EPHA10: variants seen among roughly 807,000 people sequenced by gnomAD.
The protein encoded by EPHA10 is ephrin type-A receptor 10.
A neutral mutation model predicts 109.7 loss-of-function variants in EPHA10; 120 were observed. That is an observed-to-expected ratio of 1.09 (90% CI 0.94 to 1.27). The LOEUF (loss-of-function observed/expected upper bound fraction) is 1.27. Among genes scored for constraint, EPHA10 ranks in the 50% most tolerant of loss-of-function variants. The probability of loss-of-function intolerance (pLI) is 0.00; values close to 1 mark genes in which losing one functional copy is unlikely to be tolerated. For synonymous variants in EPHA10, 640 were observed against 618.9 expected (o/e 1.03, Z -0.51); for missense variants, 1,396 against 1,411.1 (o/e 0.99, Z 0.17).
intron 5 of EPHA10, among the ~76,000 whole-genome samples, chr1:37,735,723 C>A (rs928348866): frequency 7.9e-5 from 12 of 152,082 alleles, no homozygotes; most frequent in African/African-American, 2.9e-4. Flanking sequence ...CAGGCTCTTT[C>A]TATACTTGCT....
intron 10 of EPHA10, 112 bp downstream of exon 10, chr1:37,722,929 G>GCT: frequency 6.6e-7 from 1 of 1,525,408 alleles, no homozygotes; most frequent in Non-Finnish European, 9.0e-7. Flanking sequence ...CACGAGCAGA[G>GCT]ACCTGGGTGG....
At chr1:37,755,186 C>A (rs1646383148) in intron 3 of EPHA10, among the ~76,000 whole-genome samples, 1 of 152,104 alleles carries the variant, frequency 6.6e-6, no homozygotes, top group Non-Finnish European at 1.5e-5. Flanking sequence ...GGATCCCAAC[C>A]CAAGCCCACA....
chr1:37,722,919 C>A, intron 10 of EPHA10, 122 bp downstream of exon 10: 1 of 1,476,904 alleles, frequency 6.8e-7, no homozygotes, highest in East Asian at 2.3e-5. Flanking sequence ...GGCTTCCAGA[C>A]ACGAGCAGAG....
intron 14 of EPHA10, 66 bp from the exon 15 acceptor site, chr1:37,719,673 C>T (rs1645754796): frequency 1.3e-5 from 20 of 1,524,918 alleles, no homozygotes; most frequent in Non-Finnish European, 3.6e-6. Flanking sequence ...TGTGTGCACA[C>T]ACACATGCAC....
At chr1:37,731,360 G>C (rs373430816) in intron 7 of EPHA10, 51 bp downstream of exon 7, 1 of 1,505,166 alleles carries the variant, frequency 6.6e-7, no homozygotes, top group Non-Finnish European at 8.9e-7. Context: ...CCTCAGCCCC[G>C]TGCAGGGTTC....
At chr1:37,724,269 C>T (rs751992678) in intron 8 of EPHA10, among the ~76,000 whole-genome samples, 3 of 152,074 alleles carry the variant, frequency 2.0e-5, no homozygotes, top group Non-Finnish European at 4.4e-5. Flanking sequence ...TATGGTGGTG[C>T]CATTTACTGG....
intron 4 of EPHA10, 151 bp from the exon 5 acceptor site, chr1:37,753,377 G>A (rs1380048907): frequency 2.0e-5 from 9 of 455,900 alleles, no homozygotes; most frequent in Admixed American, 4.6e-5. Context: ...GGGAACCAGG[G>A]CGTTCATCAA....
intron 5 of EPHA10, among the ~76,000 whole-genome samples, chr1:37,745,633 G>A (rs944234665): frequency 5.9e-5 from 9 of 152,168 alleles, no homozygotes; most frequent in African/African-American, 1.2e-4. Context: ...TGGATCACCT[G>A]AGGCCAGGAG....
At chr1:37,755,931 G>A (rs1646389519) in intron 3 of EPHA10, among the ~76,000 whole-genome samples, 1 of 152,172 alleles carries the variant, frequency 6.6e-6, no homozygotes, top group African/African-American at 2.4e-5. Context: ...ACAACAGAAA[G>A]GGTGCAGACT....
intron 7 of EPHA10, among the ~76,000 whole-genome samples, chr1:37,730,185 T>C (rs1409109361): frequency 6.6e-6 from 1 of 152,188 alleles, no homozygotes; most frequent in East Asian, 1.9e-4. Flanking sequence ...TTCCAGCACC[T>C]GGCCGAGGTC....
Position 37,723,336 on chromosome 1 carries a change from A to T in EPHA10, c.1809T>A (p.His603Gln). 1 of 1,614,178 alleles carries T rather than the reference A, an allele frequency of 6.2e-7. No individual in the cohort carries two copies. Among genetic ancestry groups the T allele is most frequent in the Non-Finnish European group, 8.5e-7 (1 of 1,180,026 alleles). Residue 603 changes from histidine (H) to glutamine (Q), a missense_variant, in exon 9 of 17, where the codon CAT becomes CAA. By Grantham distance (24) the His-to-Gln change is conservative. Coordinates refer to ENST00000373048, the MANE Select transcript of EPHA10 (RefSeq NM_001099439.2). ...CSYGKGGGDA[H>Q]DEEELYFHFK... Reference sequence around the variant, plus strand: ...AGTGGAAATACAGCTCCTCTTCATCATGGGCATCCCCTCCTCCTTTGCCAT... The same window carrying T: ...AGTGGAAATACAGCTCCTCTTCATCTTGGGCATCCCCTCCTCCTTTGCCAT...
chr1:37,761,549 C>T lies in EPHA10; in HGVS notation c.706G>A (p.Val236Met). Residue 236 changes from valine (V) to methionine (M), a missense_variant, in exon 3 of 17, where the codon GTG becomes ATG. Transcript: ENST00000373048. The stretch of plus-strand genomic sequence containing the variant: ...GAGTGCGCCACGCACGTTCCGGCCA[C>T]TTCCACCAGTGTGGAGAAGGCGCTC... ...AESAFSTLVE[V>M]AGTCVAHSEG... The T allele has an allele frequency of 6.3e-7, 1 of 1,599,282 alleles. No homozygotes were observed. The highest frequency in any genetic ancestry group is 1.1e-5 in the South Asian group (1 of 90,576).
intron 5 of EPHA10, among the ~76,000 whole-genome samples, chr1:37,749,872 C>T (rs548226839): frequency 6.6e-6 from 1 of 152,266 alleles, no homozygotes; most frequent in African/African-American, 2.4e-5. Context: ...ACCTGTACAG[C>T]CTGGGTGACA....
In EPHA10 at chr1:37,716,750, G is replaced by A. The variant is rs539849065; in HGVS notation, c.*1622C>T. 2.4e-4 allele frequency: 57 copies of A among 232,890 alleles called. No homozygotes were observed. The highest frequency in any genetic ancestry group is 1.1e-3 in the African/African-American group (49 of 45,388). The allele number at this position is 232,890 out of a possible 1,614,324, so 14.4% of individuals were successfully genotyped here. On this transcript the variant is annotated 3_prime_UTR_variant, in exon 17 of 17. Coordinates refer to ENST00000373048, the MANE Select transcript of EPHA10 (RefSeq NM_001099439.2). Reference sequence around the variant, plus strand: ...TCCGAGGCCTGCCATCTTGCCTGCCGAAAACTCCACCCACCCCAAGGAAAG... The same window carrying A: ...TCCGAGGCCTGCCATCTTGCCTGCCAAAAACTCCACCCACCCCAAGGAAAG...
chr1:37,728,480 A>C (rs1013406750), intron 7 of EPHA10, among the ~76,000 whole-genome samples: 4 of 152,172 alleles, frequency 2.6e-5, no homozygotes, highest in African/African-American at 9.7e-5. Flanking sequence ...CTGAAGACTG[A>C]ACTGAGATTG....
Position 37,761,543 on chromosome 1 carries a change from C to G in EPHA10, c.712G>C (p.Gly238Arg), listed in dbSNP as rs766000675. The change falls in exon 3 of 17, where the codon GGA becomes CGA. Residue 238 changes from glycine (G) to arginine (R), a missense_variant. Transcript: ENST00000373048. ...SAFSTLVEVA[G>R]TCVAHSEGEP... ...CCTTCCGAGTGCGCCACGCACGTTC[C>G]GGCCACTTCCACCAGTGTGGAGAAG... 2.5e-6 allele frequency: 4 copies of G among 1,598,776 alleles called. No homozygotes were observed. The highest frequency in any genetic ancestry group is 2.5e-6 in the Non-Finnish European group (3 of 1,177,282).
Position 37,718,372 on chromosome 1 carries a change from T to C in EPHA10, c.3027A>G (p.Ter1009TrpextTer67). ...CCTGCCTTGGAAGAATGGGGTCCAC[T>C]CACACCTGCACCCCCTGGCCCTGCA... ...LQLQGQGVQV[*>W] Residue 1009 changes from the stop codon to tryptophan (W), a stop_lost, in exon 17 of 17, where the codon TGA (stop) becomes TGG (tryptophan). Coordinates refer to ENST00000373048, the MANE Select transcript of EPHA10 (RefSeq NM_001099439.2). 1.2e-6 allele frequency: 2 copies of C among 1,603,904 alleles called. No homozygotes were observed. Among genetic ancestry groups the C allele is most frequent in the South Asian group, 1.1e-5 (1 of 89,578 alleles).
chr1:37,719,318 A>T, intron 15 of EPHA10, 96 bp downstream of exon 15: 1 of 1,386,132 alleles, frequency 7.2e-7, no homozygotes, highest in African/African-American at 1.4e-5. Flanking sequence ...GCTCTTGGAC[A>T]GGTGGGGTGG....
chr1:37,761,662 C>T lies in EPHA10; in HGVS notation c.593G>A (p.Cys198Tyr). ...GACGCGCACCGAGACAAGCGCCACG[C>T]ATGCGCCCACGTCCTGAAAGGCCAG... ...FHLAFQDVGA[C>Y]VALVSVRVYY... Residue 198 changes from cysteine (C) to tyrosine (Y), a missense_variant, in exon 3 of 17, where the codon TGC becomes TAC. Physicochemically the swap from Cys to Tyr is radical, Grantham distance 194. Transcript: ENST00000373048. 1 of 1,609,520 alleles carries T rather than the reference C, an allele frequency of 6.2e-7. No individual in the cohort carries two copies.
Sources: gnomAD v4.1 joint callset for allele counts (sites outside exome capture counted in the v4.1 genomes callset) on GRCh38, gnomAD v4.1.1 for gene constraint, MANE v1.5 for transcripts, NCBI Gene and HGNC (gene_info 2026-07-23, HGNC 2026-07-21) for gene names.